Variants in KCNQ1 observed in about 807,000 individuals in gnomAD.
KCNQ1 encodes the protein potassium voltage-gated channel subfamily KQT member 1.
KCNQ1 carries 49 observed loss-of-function variants against 72.4 expected under a neutral mutation model. The ratio of observed to expected loss-of-function variants is 0.68; its 90% CI spans 0.54 to 0.86. The LOEUF (loss-of-function observed/expected upper bound fraction) is 0.86. KCNQ1 is among the 40% of genes least tolerant of loss of function. KCNQ1 has a pLI of 0.00. For missense variants in KCNQ1, 790 were observed against 945.1 expected (o/e 0.84, Z 2.15); for synonymous variants, 450 against 412.6 (o/e 1.09, Z -1.10).
intron 11 of KCNQ1, chr11:2,666,508 C>T (rs756902493): frequency 5.8e-5 from 23 of 398,518 alleles, no homozygotes; most frequent in African/African-American, 1.6e-4. Flanking sequence ...CCAGCAAGGC[C>T]GCTGTGGCCT....
At chr11:2,701,079 G>T (rs975392968) in intron 11 of KCNQ1, among the ~76,000 whole-genome samples, 3 of 152,182 alleles carry the variant, frequency 2.0e-5, no homozygotes, top group East Asian at 1.9e-4. Context: ...CAGGAGGAAG[G>T]GGGAGGCTGG....
At position 2,669,859 on chromosome 11, in the gene KCNQ1, A is replaced by G. The variant is rs190799463; in HGVS notation, c.1514+7778A>G. On this transcript the variant is annotated intron_variant, in intron 11 of 15. Transcript: ENST00000155840. This position sits in a 1 kb window ranked among gnomAD's most constrained non-coding sequence, Gnocchi z 5.6. ...ACCATGGGATACAAATGGGGTCACA[A>G]CATATGGCTGTCAGCTGCTGTCCTT... is the stretch of plus-strand genomic sequence containing the variant. 1.3e-5 allele frequency: 5 copies of G among 398,662 alleles called. No homozygotes were observed. In the Admixed American group the frequency reaches 1.8e-4, roughly 14 times the overall value. The allele number at this position is 398,662 out of a possible 1,614,324, so 24.7% of individuals were successfully genotyped here.
chr11:2,642,041 A>T lies in KCNQ1; in HGVS notation c.1394-19920A>T, dbSNP rs1849588055. 1 of 398,284 alleles carries T rather than the reference A, an allele frequency of 2.5e-6. No homozygotes were observed. Among genetic ancestry groups the T allele is most frequent in the African/African-American group, 2.1e-5 (1 of 48,606 alleles). The allele number at this position is 398,284 out of a possible 1,614,324, so 24.7% of individuals were successfully genotyped here. On this transcript the variant is annotated intron_variant, in intron 10 of 15. Transcript: ENST00000155840. The surrounding 1 kb of genome is among the most constrained non-coding windows in gnomAD (Gnocchi z 4.3). ...TTTAATGCTATAGCCTTATATTTTT[A>T]AATCAGGCAGTGTGATGCATCCAAC...
rs1216879500 is a variant in KCNQ1, at chr11:2,592,715, C to A, written c.1393+3861C>A. 6.6e-6 allele frequency among the ~76,000 whole-genome samples: 1 copy of A among 152,194 alleles called. No individual in the cohort carries two copies. The highest frequency in any genetic ancestry group is 2.4e-5 in the African/African-American group (1 of 41,462). On this transcript the variant is annotated intron_variant, in intron 10 of 15. Coordinates refer to ENST00000155840, the MANE Select transcript of KCNQ1 (RefSeq NM_000218.3). This position sits in a 1 kb window ranked among gnomAD's most constrained non-coding sequence, Gnocchi z 5.2. ...GCGGTGGCCATTGTCTGTGCCCAGC[C>A]TGGGGAGCCTGACACTCACAGCCCG...
At chr11:2,732,579 G>A (rs1436091008) in intron 11 of KCNQ1, among the ~76,000 whole-genome samples, 5 of 152,228 alleles carry the variant, frequency 3.3e-5, no homozygotes, top group South Asian at 2.1e-4. Flanking sequence ...AGGCGCGAGC[G>A]AAGGGGCCCG....
intron 11 of KCNQ1, chr11:2,685,236 C>A: frequency 2.5e-6 from 1 of 398,660 alleles, no homozygotes; most frequent in South Asian, 1.3e-4. Context: ...CTACTTCAGT[C>A]CTCCCATTAC....
intron 15 of KCNQ1, among the ~76,000 whole-genome samples, chr11:2,802,770 G>A (rs1385588676): frequency 6.6e-6 from 1 of 152,198 alleles, no homozygotes; most frequent in African/African-American, 2.4e-5. Flanking sequence ...CTAGAGGGGA[G>A]AAGCCACTGC....
chr11:2,514,559 C>T (rs576881990), intron 1 of KCNQ1, among the ~76,000 whole-genome samples: 12 of 152,332 alleles, frequency 7.9e-5, no homozygotes, highest in Non-Finnish European at 1.8e-4. Flanking sequence ...CTCATGGGCG[C>T]GGTGGCTCAC....
intron 10 of KCNQ1, among the ~76,000 whole-genome samples, chr11:2,590,059 G>A (rs1848651188): frequency 6.6e-6 from 1 of 152,128 alleles, no homozygotes; most frequent in Non-Finnish European, 1.5e-5. Flanking sequence ...GCCCACTTCT[G>A]GGGACTGTGA....
intron 15 of KCNQ1, among the ~76,000 whole-genome samples, chr11:2,840,620 G>A (rs1217642951): frequency 6.6e-6 from 1 of 152,176 alleles, no homozygotes; most frequent in Non-Finnish European, 1.5e-5. Context: ...CTTTGACCAC[G>A]TGAAAAAGTG....
At chr11:2,740,905 G>A (rs950060707) in intron 11 of KCNQ1, among the ~76,000 whole-genome samples, 1 of 152,228 alleles carries the variant, frequency 6.6e-6, no homozygotes, top group South Asian at 2.1e-4. Flanking sequence ...AGAGAACCCA[G>A]GATTTTCTCC....
intron 10 of KCNQ1, chr11:2,631,177 C>CT (rs910216081): frequency 1.8e-5 from 7 of 398,416 alleles, no homozygotes; most frequent in Non-Finnish European, 2.7e-5. Context: ...AATTAACTTT[C>CT]TACCCTTTAC....
chr11:2,561,662 ATCC>A (rs1194597608), intron 2 of KCNQ1, among the ~76,000 whole-genome samples: 6 of 152,332 alleles, frequency 3.9e-5, no homozygotes, highest in Middle Eastern at 3.4e-3. Context: ...CCCTGTGCCC[ATCC>A]TCCTCCTGCT....
chr11:2,559,812 G>C lies in KCNQ1; in HGVS notation c.478-10816G>C, dbSNP rs1254411668. Among the ~76,000 whole-genome samples, 1 of 151,998 alleles carries C rather than the reference G, an allele frequency of 6.6e-6. No individual in the cohort carries two copies. The highest frequency in any genetic ancestry group is 1.5e-5 in the Non-Finnish European group (1 of 68,008). Reference sequence around the variant, plus strand: ...AGCTGTGGGAAGGCCTGTGGCTAGGGCTCTGCTGCCTGCTTCCTGGGCAGG... The same window carrying C: ...AGCTGTGGGAAGGCCTGTGGCTAGGCCTCTGCTGCCTGCTTCCTGGGCAGG... On this transcript the variant is annotated intron_variant, in intron 2 of 15. Transcript: ENST00000155840. The surrounding 1 kb of genome is among the most constrained non-coding windows in gnomAD (Gnocchi z 4.9).
intron 11 of KCNQ1, chr11:2,685,713 G>A: frequency 2.5e-6 from 1 of 398,704 alleles, no homozygotes; most frequent in East Asian, 3.6e-5. Flanking sequence ...GGACCCCAGG[G>A]AGGGTGCTCT....
rs1847975049 is a variant in KCNQ1, at chr11:2,550,971, G to C, written c.478-19657G>C. Among the ~76,000 whole-genome samples, 1 of 152,144 alleles carries C rather than the reference G, an allele frequency of 6.6e-6. No homozygotes were observed. The highest frequency in any genetic ancestry group is 1.5e-5 in the Non-Finnish European group (1 of 68,010). On this transcript the variant is annotated intron_variant, in intron 2 of 15. Coordinates refer to ENST00000155840, the MANE Select transcript of KCNQ1 (RefSeq NM_000218.3). The surrounding 1 kb of genome is among the most constrained non-coding windows in gnomAD (Gnocchi z 6.0). ...CAGACTCTGGTGGTAGCAGGAGGCA[G>C]GGGAGGCTGTGCTGAGCTCAGTGGG...
At position 2,542,321 on chromosome 11, in the gene KCNQ1, G is replaced by A. The variant is rs555990415; in HGVS notation, c.477+14303G>A. ...TCCTCCCCTGGCGGGGGCGGGGAAGGAAGTGCTAGGGGAAGCCGGTGTAAG... is the reference window on the plus strand; with the variant it reads ...TCCTCCCCTGGCGGGGGCGGGGAAGAAAGTGCTAGGGGAAGCCGGTGTAAG... On this transcript the variant is annotated intron_variant, in intron 2 of 15. Coordinates refer to ENST00000155840, the MANE Select transcript of KCNQ1 (RefSeq NM_000218.3). Among the ~76,000 whole-genome samples the A allele has an allele frequency of 3.3e-5, 5 of 152,378 alleles. No homozygotes were observed. The South Asian group carries it at 8.3e-4, about 25-fold the overall frequency.
intron 8 of KCNQ1, 104 bp downstream of exon 8, chr11:2,585,411 G>A: frequency 2.8e-6 from 3 of 1,058,330 alleles, no homozygotes; most frequent in East Asian, 2.5e-5. Flanking sequence ...CCCTGCATCA[G>A]CTTGGCTGGC....
chr11:2,761,075 A>G (rs1223734960), intron 11 of KCNQ1, among the ~76,000 whole-genome samples: 2 of 152,342 alleles, frequency 1.3e-5, no homozygotes, highest in South Asian at 4.1e-4. Context: ...GAATCAGATC[A>G]CACGTGGGCT....
Sources: gnomAD v4.1 joint callset for allele counts (sites outside exome capture counted in the v4.1 genomes callset) on GRCh38, gnomAD v4.1.1 for gene constraint, Gnocchi (gnomAD v3.1) non-coding constraint, MANE v1.5 for transcripts, NCBI Gene and HGNC (gene_info 2026-07-23, HGNC 2026-07-21) for gene names.